The following YJU2B variants were observed in gnomAD, a reference collection of about 807,000 sequenced individuals.
YJU2B encodes YJU2 splicing factor homolog B.
YJU2B carries 18 observed loss-of-function variants against 38.0 expected under a neutral mutation model. That is an observed-to-expected ratio of 0.47 (90% CI 0.33 to 0.70). The LOEUF (loss-of-function observed/expected upper bound fraction) is 0.70, where lower values mean the gene tolerates loss of function less well. YJU2B is among the 30% of genes least tolerant of loss of function. The pLI, the probability that YJU2B is intolerant of heterozygous loss-of-function variation, is 0.02. For missense variants in YJU2B, 538 were observed against 556.3 expected, an observed-to-expected ratio of 0.97 and a Z score of 0.33; for synonymous variants, 246 against 225.4, an observed-to-expected ratio of 1.09 and a Z score of -0.82.
chr19:13,749,432 G>T (rs934929294), intron 1 of YJU2B, among the ~76,000 whole-genome samples: 1 of 152,092 alleles, frequency 6.6e-6, no homozygotes, highest in African/African-American at 2.4e-5. Flanking sequence ...ATGCAGCTAC[G>T]CCCGTTCATT....
intron 1 of YJU2B, among the ~76,000 whole-genome samples, 192 bp from the exon 2 acceptor site, chr19:13,751,416 A>C (rs554199438): frequency 4.7e-4 from 71 of 152,238 alleles, no homozygotes; most frequent in African/African-American, 1.7e-3. Flanking sequence ...TCCATCTCAA[A>C]AAACAAAAAG....
intron 4 of YJU2B, 107 bp from the exon 5 acceptor site, chr19:13,757,311 C>T (rs571910375): frequency 3.7e-4 from 309 of 842,320 alleles, no homozygotes; most frequent in Middle Eastern, 1.6e-3. Context: ...ACAGGGCAGT[C>T]TAATACCCCA....
At chr19:13,748,432 G>A (rs1973331898) in intron 1 of YJU2B, among the ~76,000 whole-genome samples, 1 of 152,004 alleles carries the variant, frequency 6.6e-6, no homozygotes, top group African/African-American at 2.4e-5. Flanking sequence ...GAAGCAGCAG[G>A]GTGGAGCTCC....
intron 2 of YJU2B, among the ~76,000 whole-genome samples, chr19:13,739,207 G>A (rs1166864745): frequency 6.6e-6 from 1 of 151,948 alleles, no homozygotes; most frequent in African/African-American, 2.4e-5. Context: ...GTACCATGGT[G>A]CGATCACAGC....
In YJU2B at chr19:13,751,699, C is replaced by CT. The variant is rs1973472138; in HGVS notation, c.-109dup. 8.5e-7 allele frequency: 1 copy of CT among 1,173,740 alleles called. No individual in the cohort carries two copies. The highest frequency in any genetic ancestry group is 1.7e-5 in the Admixed American group (1 of 57,152). 72.7% of individuals were successfully genotyped at this position (1,173,740 alleles called of 1,614,324 possible). A position where few individuals can be genotyped will look rare whatever the true frequency, so the allele number is the denominator to read the frequency against. ...GCCCACGACATCTTCGCAGGGAAGC[C>CT]TGTGGACCCTCTGCCAGGCTCCACA... On this transcript the variant is annotated 5_prime_UTR_variant, in exon 2 of 10. Transcript: ENST00000221554.
chr19:13,759,040 G>T (rs1428442736), intron 7 of YJU2B, 30 bp downstream of exon 7: 2 of 1,611,860 alleles, frequency 1.2e-6, no homozygotes, highest in Non-Finnish European at 1.7e-6. Flanking sequence ...CTGCCTGGGG[G>T]CCCTGGCCCT....
chr19:13,743,832 G>T (rs1413561974), upstream of YJU2B, among the ~76,000 whole-genome samples: 1 of 150,048 alleles, frequency 6.7e-6, no homozygotes, highest in Non-Finnish European at 1.5e-5. Flanking sequence ...GGTTGAGGTT[G>T]CAGTGAGCCG....
Position 13,763,197 on chromosome 19 carries a change from C to A in YJU2B, c.*129C>A. 1 of 693,522 alleles carries A rather than the reference C, an allele frequency of 1.4e-6. No homozygotes were observed. The highest frequency in any genetic ancestry group is 2.1e-5 in the South Asian group (1 of 48,598). The allele number at this position is 693,522 out of a possible 1,614,324, so 43.0% of individuals were successfully genotyped here. ...GCTCAGATGCCGCATCCTCCCCAGA[C>A]CGCGCCTTCCTGCAACCGTGGAGTT... On this transcript the variant is annotated 3_prime_UTR_variant, in exon 10 of 10. Transcript: ENST00000221554.
upstream of YJU2B, among the ~76,000 whole-genome samples, chr19:13,745,744 GATATATAT>G (rs1187936353): frequency 1.8e-3 from 143 of 80,884 alleles, 3 homozygotes; most frequent in Admixed American, 0.014. Flanking sequence ...TATATATATA[GATATATAT>G]ATATATCAGG....
chr19:13,756,260 C>G lies in YJU2B; in HGVS notation c.121C>G (p.Gln41Glu). Reference protein sequence around the residue: ...PLRERARKLSQGILIIRFEMP... With the variant: ...PLRERARKLSEGILIIRFEMP... Reference sequence around the variant, plus strand: ...TCGGGAGCGGGCTCGGAAGCTGTCACAGGGCATCCTCATCATCCGGTAAGG... The same window carrying G: ...TCGGGAGCGGGCTCGGAAGCTGTCAGAGGGCATCCTCATCATCCGGTAAGG... Residue 41 changes from glutamine to glutamate, a missense_variant, in exon 4 of 10, where the codon CAG becomes GAG. Coordinates refer to ENST00000221554, the MANE Select transcript of YJU2B (RefSeq NM_030818.4). 1 of 1,614,080 alleles carries G rather than the reference C, an allele frequency of 6.2e-7. No homozygotes were observed.
Position 13,763,200 on chromosome 19 carries a change from C to T in YJU2B, c.*132C>T. 1 of 664,210 alleles carries T rather than the reference C, an allele frequency of 1.5e-6. No homozygotes were observed. Among genetic ancestry groups the T allele is most frequent in the Non-Finnish European group, 2.5e-6 (1 of 402,654 alleles). 41.1% of individuals were successfully genotyped at this position (664,210 alleles called of 1,614,324 possible). A position where few individuals can be genotyped will look rare whatever the true frequency, so the allele number is the denominator to read the frequency against. On this transcript the variant is annotated 3_prime_UTR_variant, in exon 10 of 10. Transcript: ENST00000221554. ...CAGATGCCGCATCCTCCCCAGACCG[C>T]GCCTTCCTGCAACCGTGGAGTTATT...
chr19:13,739,272 A>T (rs1368358032), intron 2 of YJU2B, among the ~76,000 whole-genome samples: 1 of 152,038 alleles, frequency 6.6e-6, no homozygotes, highest in East Asian at 1.9e-4. Flanking sequence ...CAGCCTCCCG[A>T]GTAGCTGGGA....
intron 2 of YJU2B, among the ~76,000 whole-genome samples, chr19:13,734,184 T>C (rs1410125518): frequency 2.6e-5 from 4 of 152,166 alleles, no homozygotes; most frequent in Admixed American, 2.6e-4. Flanking sequence ...CACCTCAGTT[T>C]CCCAAATTGT....
At chr19:13,747,602 C>G (rs1164599966), upstream of YJU2B, among the ~76,000 whole-genome samples, 1 of 152,266 alleles carries the variant, frequency 6.6e-6, no homozygotes, top group Non-Finnish European at 1.5e-5. Context: ...TCCCAAGTAG[C>G]TGGGACTACA....
chr19:13,750,298 G>A lies in YJU2B; in HGVS notation c.-201-1310G>A, dbSNP rs183818146. Among the ~76,000 whole-genome samples, 9 of 151,850 alleles carry A rather than the reference G, an allele frequency of 5.9e-5. No individual in the cohort carries two copies. The South Asian group carries it at 1.7e-3, about 28-fold the overall frequency. On this transcript the variant is annotated intron_variant, in intron 1 of 9. Coordinates refer to ENST00000221554, the MANE Select transcript of YJU2B (RefSeq NM_030818.4). ...GCTGGGGTGCAGTGGCGCCATCTTG[G>A]CTTACTGCAACCTCCGCCTCCCGGT... is the stretch of plus-strand genomic sequence containing the variant.
rs760148211 is a variant in YJU2B at position 13,762,583 on chromosome 19, C to G, written c.713-7C>G. 1.4e-5 allele frequency: 21 copies of G among 1,531,570 alleles called. No individual in the cohort carries two copies. Among genetic ancestry groups the G allele is most frequent in the Middle Eastern group, 3.5e-4 (2 of 5,674 alleles). The allele number at this position is 1,531,570 out of a possible 1,614,324, so 94.9% of individuals were successfully genotyped here. A position where few individuals can be genotyped will look rare whatever the true frequency, so the allele number is the denominator to read the frequency against. ...CCGCCCCTGAAATGTCCTCTCCTCTCCTCTAGCCTACGAGGACAAGCAGAA... is the reference window on the plus strand; with the variant it reads ...CCGCCCCTGAAATGTCCTCTCCTCTGCTCTAGCCTACGAGGACAAGCAGAA... On this transcript the variant is annotated splice_polypyrimidine_tract_variant and splice_region_variant and intron_variant, in intron 9 of 9. Coordinates refer to ENST00000221554, the MANE Select transcript of YJU2B (RefSeq NM_030818.4).
At chr19:13,759,068 C>G (rs775174046) in intron 7 of YJU2B, 32 bp from the exon 8 acceptor site, 14 of 1,612,584 alleles carry the variant, frequency 8.7e-6, no homozygotes, top group Non-Finnish European at 1.2e-5. Context: ...CGCTGGGGCC[C>G]CCAAAGCCCA....
At chr19:13,732,757 C>G (rs1318954380) in intron 2 of YJU2B, among the ~76,000 whole-genome samples, 1 of 151,326 alleles carries the variant, frequency 6.6e-6, no homozygotes, top group East Asian at 2.0e-4. Flanking sequence ...TACAGGCATG[C>G]ACCACCACAC....
chr19:13,751,974 C>A (rs1233041803), intron 2 of YJU2B, among the ~76,000 whole-genome samples, 163 bp downstream of exon 2: 1 of 152,128 alleles, frequency 6.6e-6, no homozygotes, highest in Non-Finnish European at 1.5e-5. Context: ...GCTAACATCA[C>A]CCATGGGCAC....
Sources: gnomAD v4.1 joint callset for allele counts (sites outside exome capture counted in the v4.1 genomes callset) on GRCh38, gnomAD v4.1.1 for gene constraint, MANE v1.5 for transcripts, NCBI Gene and HGNC (gene_info 2026-07-23, HGNC 2026-07-21) for gene names.